The following PAK2 variants were observed in gnomAD, a reference collection of about 807,000 sequenced individuals.
PAK2 encodes serine/threonine-protein kinase PAK 2.
Under a neutral mutation model 65.9 loss-of-function variants are expected in PAK2, and 21 were observed. The observed-to-expected ratio is 0.32, with a 90% CI of 0.23 to 0.46. The LOEUF (loss-of-function observed/expected upper bound fraction) is 0.46, where lower values mean the gene tolerates loss of function less well. PAK2 is among the 20% of genes least tolerant of loss of function. The pLI is 1.00. For missense variants in PAK2, 324 were observed against 642.6 expected (o/e 0.50, Z 5.36); for synonymous variants, 204 against 219.7 (o/e 0.93, Z 0.63).
At chr3:196,815,354 T>C (rs1485288434) in intron 11 of PAK2, among the ~76,000 whole-genome samples, 2 of 150,756 alleles carry the variant, frequency 1.3e-5, no homozygotes, top group African/African-American at 2.4e-5. Context: ...TAGCCAGGCA[T>C]GGTGGTGCAC....
At chr3:196,757,585 TA>T (rs1032480450) in intron 1 of PAK2, among the ~76,000 whole-genome samples, 12 of 151,122 alleles carry the variant, frequency 7.9e-5, no homozygotes, top group Admixed American at 2.0e-4. Context: ...TATATAAGAA[TA>T]AAAAAAAATT....
At position 196,831,959 on chromosome 3, in the gene PAK2, T is replaced by C. The variant is rs571422344; in HGVS notation, c.*3554T>C. 7 of 152,338 alleles carry C rather than the reference T, an allele frequency of 4.6e-5. No homozygotes were observed. In the East Asian group the frequency reaches 9.6e-4, roughly 21 times the overall value. 9.4% of individuals were successfully genotyped at this position (152,338 alleles called of 1,614,324 possible). A position where few individuals can be genotyped will look rare whatever the true frequency, so the allele number is the denominator to read the frequency against. On this transcript the variant is annotated 3_prime_UTR_variant, in exon 15 of 15. Coordinates refer to ENST00000327134, the MANE Select transcript of PAK2 (RefSeq NM_002577.4). ...TATTGAAACTGGTAAAATCAGTTTT[T>C]TGATAGTGTGTGTATATAAGAAAAA...
In PAK2 at chr3:196,820,007, A is replaced by G. The variant is rs1711597809; in HGVS notation, c.1154-364A>G. Among the ~76,000 whole-genome samples, 1 of 152,190 alleles carries G rather than the reference A, an allele frequency of 6.6e-6. No individual in the cohort carries two copies. The highest frequency in any genetic ancestry group is 2.1e-4 in the South Asian group (1 of 4,832). On this transcript the variant is annotated intron_variant, in intron 12 of 14. Transcript: ENST00000327134. This position sits in a 1 kb window ranked among gnomAD's most constrained non-coding sequence, Gnocchi z 4.6. Reference sequence around the variant, plus strand: ...AAAATTTTAAAAATTAAACAAAATTAAAAGACAAAGTAGTTTCCATGACCT... The same window carrying G: ...AAAATTTTAAAAATTAAACAAAATTGAAAGACAAAGTAGTTTCCATGACCT...
intron 2 of PAK2, among the ~76,000 whole-genome samples, chr3:196,798,977 CAGGAAA>C (rs1715339802): frequency 6.6e-6 from 1 of 152,008 alleles, no homozygotes; most frequent in Admixed American, 6.6e-5. Flanking sequence ...CCTCTTAGAT[CAGGAAA>C]AATAAAATTT....
intron 1 of PAK2, among the ~76,000 whole-genome samples, chr3:196,767,682 G>C (rs963466060): frequency 1.3e-5 from 2 of 152,142 alleles, no homozygotes; most frequent in South Asian, 4.1e-4. Flanking sequence ...TTTTAGTAGA[G>C]ACGGGGTTTC....
rs190406366 is a variant in PAK2 at position 196,809,698 on chromosome 3, A to G, written c.710-892A>G. On this transcript the variant is annotated intron_variant, in intron 7 of 14. Transcript: ENST00000327134. ...ACTAGAATCCTAATTGTCATCATTT[A>G]GTTGTGACCTTTAGCTGTCACATCC... Among the ~76,000 whole-genome samples the G allele has an allele frequency of 6.6e-5, 10 of 150,880 alleles. No individual in the cohort carries two copies. In the East Asian group the frequency reaches 1.7e-3, roughly 26 times the overall value.
intron 2 of PAK2, among the ~76,000 whole-genome samples, chr3:196,784,238 A>T (rs78349109): frequency 0.31 from 20,634 of 65,798 alleles, 1,734 homozygotes; most frequent in East Asian, 0.55. Flanking sequence ...TTTTTTTTTT[A>T]ATTATACTTT....
Position 196,829,061 on chromosome 3 carries a change from T to C in PAK2, c.*656T>C, listed in dbSNP as rs1290817949. 1 of 152,690 alleles carries C rather than the reference T, an allele frequency of 6.5e-6. No individual in the cohort carries two copies. The highest frequency in any genetic ancestry group is 1.5e-5 in the Non-Finnish European group (1 of 68,080). 9.5% of individuals were successfully genotyped at this position (152,690 alleles called of 1,614,324 possible). A position where few individuals can be genotyped will look rare whatever the true frequency, so the allele number is the denominator to read the frequency against. On this transcript the variant is annotated 3_prime_UTR_variant, in exon 15 of 15. Coordinates refer to ENST00000327134, the MANE Select transcript of PAK2 (RefSeq NM_002577.4). ...TTTTTAACAAATGTGAAAAAGTCAG[T>C]TTTAGAAATTTCGTGGTAGTAAGTT...
chr3:196,828,232 T>C, intron 14 of PAK2, 87 bp from the exon 15 acceptor site: 1 of 734,246 alleles, frequency 1.4e-6, no homozygotes, highest in Non-Finnish European at 2.4e-6. Flanking sequence ...CGACAAGTAG[T>C]CTTTGGGGCT....
intron 7 of PAK2, among the ~76,000 whole-genome samples, chr3:196,808,685 A>G (rs1715671706): frequency 6.6e-6 from 1 of 152,066 alleles, no homozygotes. Context: ...CAATGTGGCA[A>G]AACCCCATCT....
At chr3:196,749,551 G>A (rs1713500988) in intron 1 of PAK2, among the ~76,000 whole-genome samples, 1 of 152,130 alleles carries the variant, frequency 6.6e-6, no homozygotes, top group South Asian at 2.1e-4. Context: ...TTGAAAAAAT[G>A]TCTATTCAAG....
chr3:196,744,678 T>C (rs576503770), intron 1 of PAK2, among the ~76,000 whole-genome samples: 1 of 152,340 alleles, frequency 6.6e-6, no homozygotes, highest in South Asian at 2.1e-4. Context: ...ATGTTGATTT[T>C]AAAATAAAAA....
intron 1 of PAK2, chr3:196,747,094 T>G (rs1413733716): frequency 6.6e-6 from 1 of 152,084 alleles, no homozygotes; most frequent in East Asian, 1.9e-4. Context: ...GCTTTGAGAT[T>G]TACTTATTGT....
At chr3:196,795,561 C>T (rs913838396) in intron 2 of PAK2, among the ~76,000 whole-genome samples, 2 of 151,716 alleles carry the variant, frequency 1.3e-5, no homozygotes, top group Admixed American at 6.6e-5. Context: ...ATATATAGGA[C>T]GAAGATAGAG....
At chr3:196,746,905 T>A (rs1010470034) in intron 1 of PAK2, among the ~76,000 whole-genome samples, 2 of 152,084 alleles carry the variant, frequency 1.3e-5, no homozygotes, top group African/African-American at 4.8e-5. Context: ...GAGTCACTTT[T>A]GATAATTCGT....
At chr3:196,759,040 G>A (rs1259164372) in intron 1 of PAK2, among the ~76,000 whole-genome samples, 1 of 152,164 alleles carries the variant, frequency 6.6e-6, no homozygotes, top group African/African-American at 2.4e-5. Context: ...AACATTACTA[G>A]CAGAGTAAAT....
At chr3:196,761,094 T>G (rs1377924408) in intron 1 of PAK2, among the ~76,000 whole-genome samples, 1 of 150,636 alleles carries the variant, frequency 6.6e-6, no homozygotes, top group Non-Finnish European at 1.5e-5. Flanking sequence ...CGGGTGTGGT[T>G]GTGCATACCT....
intron 1 of PAK2, among the ~76,000 whole-genome samples, chr3:196,754,111 A>T (rs565124176): frequency 6.6e-6 from 1 of 152,172 alleles, no homozygotes; most frequent in Non-Finnish European, 1.5e-5. Context: ...ATCCTTTTAA[A>T]ATTTATCTCA....
chr3:196,786,814 A>G (rs988162246), intron 2 of PAK2, among the ~76,000 whole-genome samples: 7 of 149,492 alleles, frequency 4.7e-5, no homozygotes, highest in Non-Finnish European at 3.0e-5. Context: ...CTTGATTACT[A>G]TATCTTACAA....
Sources: gnomAD v4.1 joint callset for allele counts (sites outside exome capture counted in the v4.1 genomes callset) on GRCh38, gnomAD v4.1.1 for gene constraint, Gnocchi (gnomAD v3.1) non-coding constraint, MANE v1.5 for transcripts, NCBI Gene and HGNC (gene_info 2026-07-23, HGNC 2026-07-21) for gene names.